The following GALNTL6 variants were observed in gnomAD, a reference collection of about 807,000 sequenced individuals.
GALNTL6 encodes the protein polypeptide N-acetylgalactosaminyltransferase-like 6.
GALNTL6 carries 46 observed loss-of-function variants against 73.7 expected under a neutral mutation model. That is an observed-to-expected ratio of 0.62 (90% CI 0.49 to 0.80). GALNTL6 has a LOEUF of 0.80. GALNTL6 is among the 30% of genes least tolerant of loss of function. The probability of loss-of-function intolerance (pLI) is 0.00; values close to 1 mark genes in which losing one functional copy is unlikely to be tolerated. For synonymous variants in GALNTL6, 259 were observed against 263.7 expected (o/e 0.98, Z 0.17); for missense variants, 604 against 755.0 (o/e 0.80, Z 2.34).
intron 2 of GALNTL6, among the ~76,000 whole-genome samples, chr4:171,914,935 T>C (rs1737576062): frequency 6.6e-6 from 1 of 152,056 alleles, no homozygotes; most frequent in Non-Finnish European, 1.5e-5. Context: ...TTTTCAGTTA[T>C]ATTTAATATG....
intron 8 of GALNTL6, among the ~76,000 whole-genome samples, chr4:172,885,258 G>A (rs888482395): frequency 6.6e-6 from 1 of 152,056 alleles, no homozygotes; most frequent in Non-Finnish European, 1.5e-5. Flanking sequence ...CAAAGACCAT[G>A]GTATATCTTT....
At chr4:172,113,092 AGGG>A (rs1732899033) in intron 2 of GALNTL6, among the ~76,000 whole-genome samples, 1 of 151,510 alleles carries the variant, frequency 6.6e-6, no homozygotes, top group Admixed American at 6.6e-5. Flanking sequence ...TTTCTTGTTA[AGGG>A]TCTTAGCATT....
intron 2 of GALNTL6, among the ~76,000 whole-genome samples, chr4:172,119,865 A>G (rs1042829090): frequency 2.0e-5 from 3 of 152,188 alleles, no homozygotes; most frequent in Admixed American, 1.3e-4. Context: ...GAGGAGCCCA[A>G]GAATTTGAGT....
At chr4:172,984,350 C>T (rs1256341426) in intron 10 of GALNTL6, among the ~76,000 whole-genome samples, 2 of 152,144 alleles carry the variant, frequency 1.3e-5, no homozygotes, top group Non-Finnish European at 2.9e-5. Context: ...AAGGAAGCCC[C>T]TTATAAAACC....
intron 4 of GALNTL6, among the ~76,000 whole-genome samples, chr4:172,331,482 G>C (rs1014613761): frequency 6.6e-6 from 1 of 152,100 alleles, no homozygotes; most frequent in Non-Finnish European, 1.5e-5. Flanking sequence ...CAGATCTCTA[G>C]AACGTATTGA....
At chr4:172,840,241 T>G (rs1452368625) in intron 7 of GALNTL6, among the ~76,000 whole-genome samples, 6 of 152,236 alleles carry the variant, frequency 3.9e-5, no homozygotes, top group African/African-American at 1.4e-4. Context: ...GTTATAATGT[T>G]AAGGCACTTC....
At chr4:172,061,101 A>G (rs984400347) in intron 2 of GALNTL6, among the ~76,000 whole-genome samples, 3 of 152,152 alleles carry the variant, frequency 2.0e-5, no homozygotes, top group Non-Finnish European at 2.9e-5. Flanking sequence ...CCAAGAAATC[A>G]GTTATTGTAC....
At chr4:172,069,732 C>G (rs1285856667) in intron 2 of GALNTL6, among the ~76,000 whole-genome samples, 2 of 102,070 alleles carry the variant, frequency 2.0e-5, no homozygotes, top group East Asian at 4.3e-4. Flanking sequence ...CAAAATTCCA[C>G]TTAGAAGATT....
At chr4:172,293,265 CT>C (rs1310880104) in intron 3 of GALNTL6, among the ~76,000 whole-genome samples, 4 of 152,084 alleles carry the variant, frequency 2.6e-5, no homozygotes, top group Admixed American at 6.6e-5. Context: ...TGCCCCCACC[CT>C]TTTTTTGTGG....
intron 5 of GALNTL6, among the ~76,000 whole-genome samples, chr4:172,422,997 A>T (rs1731104670): frequency 6.6e-6 from 1 of 151,700 alleles, no homozygotes; most frequent in African/African-American, 2.4e-5. Flanking sequence ...ATACCAAAGT[A>T]TAGATATTTC....
chr4:172,970,182 A>T lies in GALNTL6; in HGVS notation c.1371+17924A>T, dbSNP rs113754594. Among the ~76,000 whole-genome samples, 123 of 152,364 alleles carry T rather than the reference A, an allele frequency of 8.1e-4. 1 individual carries two copies. The highest frequency in any genetic ancestry group is 7.9e-3 in the East Asian group (41 of 5,194). On this transcript the variant is annotated intron_variant, in intron 10 of 12. Coordinates refer to ENST00000506823, the MANE Select transcript of GALNTL6 (RefSeq NM_001034845.3). ...ATCACAAGGCAAAGGGCAAAGCAAG[A>T]TCACAAGGCAAGGGCAAAACTAGAA... is the stretch of plus-strand genomic sequence containing the variant.
Position 172,277,418 on chromosome 4 carries a change from C to A in GALNTL6, c.248-34196C>A, listed in dbSNP as rs79850216. 7.4e-3 allele frequency among the ~76,000 whole-genome samples: 1,131 copies of A among 152,176 alleles called. 14 individuals carry two copies. The highest frequency in any genetic ancestry group is 0.026 in the African/African-American group (1,084 of 41,518). ...CAGGTTCAATCTTAGCAACAGTTGG[C>A]AGCCCCCAAAAGTGTTTTACTTAAT... On this transcript the variant is annotated intron_variant, in intron 3 of 12. Coordinates refer to ENST00000506823, the MANE Select transcript of GALNTL6 (RefSeq NM_001034845.3).
intron 3 of GALNTL6, among the ~76,000 whole-genome samples, chr4:172,288,911 T>A (rs747318215): frequency 3.3e-5 from 5 of 152,198 alleles, no homozygotes; most frequent in African/African-American, 1.2e-4. Flanking sequence ...TTTCAAATAC[T>A]ATTTGAATTT....
chr4:171,924,187 C>CACAA (rs1315907397), intron 2 of GALNTL6, among the ~76,000 whole-genome samples: 6 of 146,326 alleles, frequency 4.1e-5, no homozygotes, highest in Non-Finnish European at 6.0e-5. Context: ...CACACATACA[C>CACAA]ACACACACAC....
chr4:172,963,752 C>T (rs1381987952), intron 10 of GALNTL6, among the ~76,000 whole-genome samples: 1 of 152,214 alleles, frequency 6.6e-6, no homozygotes, highest in East Asian at 1.9e-4. Flanking sequence ...TGAGTAATGA[C>T]TCTCAGGTAA....
At chr4:171,864,932 A>G (rs1030017082) in intron 2 of GALNTL6, among the ~76,000 whole-genome samples, 15 of 152,336 alleles carry the variant, frequency 9.8e-5, no homozygotes, top group African/African-American at 3.1e-4. Flanking sequence ...GGTACATATA[A>G]GCATTATTTG....
rs118012830 is a variant in GALNTL6, at chr4:171,873,069, G to A, written c.138+58351G>A. 1.6e-3 allele frequency among the ~76,000 whole-genome samples: 237 copies of A among 152,206 alleles called. 1 individual carries two copies. Among genetic ancestry groups the A allele is most frequent in the Admixed American group, 9.9e-3 (151 of 15,278 alleles). The stretch of plus-strand genomic sequence containing the variant: ...ACAAGTTATATGTGCATATGTGTGC[G>A]CTCAAGGCCAGCATTTAATATTGGT... On this transcript the variant is annotated intron_variant, in intron 2 of 12. Transcript: ENST00000506823.
intron 2 of GALNTL6, among the ~76,000 whole-genome samples, chr4:172,081,235 A>G (rs991254165): frequency 6.6e-6 from 1 of 152,244 alleles, no homozygotes; most frequent in African/African-American, 2.4e-5. Context: ...TATTCATGAG[A>G]AACTGAGAAA....
chr4:172,124,516 A>T (rs1482467580), intron 2 of GALNTL6, among the ~76,000 whole-genome samples: 1 of 152,254 alleles, frequency 6.6e-6, no homozygotes, highest in Non-Finnish European at 1.5e-5. Flanking sequence ...TAATCAAAAT[A>T]AATAAAGTAC....
Sources: gnomAD v4.1 joint callset for allele counts (sites outside exome capture counted in the v4.1 genomes callset) on GRCh38, gnomAD v4.1.1 for gene constraint, MANE v1.5 for transcripts, NCBI Gene and HGNC (gene_info 2026-07-23, HGNC 2026-07-21) for gene names.